The following ZDHHC18 variants were observed in gnomAD, a reference collection of about 807,000 sequenced individuals.
The protein encoded by ZDHHC18 is zDHHC palmitoyltransferase 18.
Under a neutral mutation model 37.5 loss-of-function variants are expected in ZDHHC18, and 23 were observed. The observed-to-expected ratio is 0.61, with a 90% CI of 0.44 to 0.87. ZDHHC18 has a LOEUF of 0.87. Ranked by LOEUF, ZDHHC18 falls within the 40% of genes least tolerant of loss-of-function variation. The probability of loss-of-function intolerance (pLI) is 0.00; values close to 1 mark genes in which losing one functional copy is unlikely to be tolerated. For synonymous variants in ZDHHC18, 185 were observed against 218.7 expected (o/e 0.85, Z 1.36); for missense variants, 406 against 525.6 (o/e 0.77, Z 2.22).
Position 26,850,832 on chromosome 1 carries a change from T to A in ZDHHC18, c.833+226T>A, listed in dbSNP as rs533345561. On this transcript the variant is annotated intron_variant, in intron 5 of 7. Coordinates refer to ENST00000374142, the MANE Select transcript of ZDHHC18 (RefSeq NM_032283.3). This position sits in a 1 kb window ranked among gnomAD's most constrained non-coding sequence, Gnocchi z 6.1. ...CTTCAGGGGCCTGGAAAAGAGTATGTCCCTTAAGATGCCAAGCTCCCTGGA... is the reference window on the plus strand; with the variant it reads ...CTTCAGGGGCCTGGAAAAGAGTATGACCCTTAAGATGCCAAGCTCCCTGGA... Among the ~76,000 whole-genome samples, 1 of 152,234 alleles carries A rather than the reference T, an allele frequency of 6.6e-6. No homozygotes were observed. The highest frequency in any genetic ancestry group is 2.4e-5 in the African/African-American group (1 of 41,546).
intron 1 of ZDHHC18, chr1:26,832,126 A>T: frequency 7.5e-6 from 2 of 267,278 alleles, no homozygotes; most frequent in East Asian, 1.6e-4. Context: ...CTCAGGTGAC[A>T]GTCCACTAGT....
In ZDHHC18 at chr1:26,850,693, G is replaced by A. The variant is rs2081698695; in HGVS notation, c.833+87G>A. Reference sequence around the variant, plus strand: ...CCCTGCCTCATCCTCTAATCAGAAGGGAACAGCGTACAGCTCACATGTGTC... The same window carrying A: ...CCCTGCCTCATCCTCTAATCAGAAGAGAACAGCGTACAGCTCACATGTGTC... On this transcript the variant is annotated intron_variant, in intron 5 of 7. Coordinates refer to ENST00000374142, the MANE Select transcript of ZDHHC18 (RefSeq NM_032283.3). The surrounding 1 kb of genome is among the most constrained non-coding windows in gnomAD (Gnocchi z 6.1). The A allele has an allele frequency of 2.7e-6, 4 of 1,457,638 alleles. No individual in the cohort carries two copies. Among genetic ancestry groups the A allele is most frequent in the Non-Finnish European group, 2.9e-6 (3 of 1,050,334 alleles). The allele number at this position is 1,457,638 out of a possible 1,614,324, so 90.3% of individuals were successfully genotyped here.
At chr1:26,843,599 G>A (rs2081649000) in intron 2 of ZDHHC18, among the ~76,000 whole-genome samples, 1 of 149,704 alleles carries the variant, frequency 6.7e-6, no homozygotes, top group African/African-American at 2.4e-5. Context: ...GACCAGCCTG[G>A]CCAACATGGT....
At chr1:26,834,144 G>A (rs1352754991) in intron 2 of ZDHHC18, among the ~76,000 whole-genome samples, 11 of 152,220 alleles carry the variant, frequency 7.2e-5, no homozygotes. Flanking sequence ...GGCTAATCAT[G>A]AGGCAGGATT....
At chr1:26,827,919 C>T (rs1021683651) in intron 1 of ZDHHC18, among the ~76,000 whole-genome samples, 9 of 152,200 alleles carry the variant, frequency 5.9e-5, no homozygotes, top group Non-Finnish European at 1.2e-4. Context: ...ACCTGGCTTT[C>T]TTTCCCTGCT....
At chr1:26,846,223 T>C (rs1369836519) in intron 2 of ZDHHC18, among the ~76,000 whole-genome samples, 1 of 141,502 alleles carries the variant, frequency 7.1e-6, no homozygotes, top group Non-Finnish European at 1.5e-5. Context: ...TACATATATA[T>C]GTGTATATAG....
chr1:26,849,489 G>A (rs1299037210), intron 3 of ZDHHC18, among the ~76,000 whole-genome samples: 1 of 152,226 alleles, frequency 6.6e-6, no homozygotes, highest in Non-Finnish European at 1.5e-5. Flanking sequence ...CCCCCGTGAC[G>A]GCATGCAGTG....
intron 2 of ZDHHC18, among the ~76,000 whole-genome samples, chr1:26,835,597 AG>A (rs1385882090): frequency 6.6e-6 from 1 of 152,106 alleles, no homozygotes; most frequent in East Asian, 1.9e-4. Flanking sequence ...GCTACTCAGG[AG>A]GCTGAGGCAG....
rs1184049638 is a variant in ZDHHC18 at position 26,855,711 on chromosome 1, T to G, written c.*1868T>G. Reference sequence around the variant, plus strand: ...TCCTGCTTGTAATAAAACTTCAGTTTATAAGAGTTGCTTTGCTTTGGTTTG... The same window carrying G: ...TCCTGCTTGTAATAAAACTTCAGTTGATAAGAGTTGCTTTGCTTTGGTTTG... On this transcript the variant is annotated 3_prime_UTR_variant, in exon 8 of 8. Transcript: ENST00000374142. 1 of 154,200 alleles carries G rather than the reference T, an allele frequency of 6.5e-6. No individual in the cohort carries two copies. The highest frequency in any genetic ancestry group is 2.4e-5 in the African/African-American group (1 of 41,480). 9.6% of individuals were successfully genotyped at this position (154,200 alleles called of 1,614,324 possible).
intron 1 of ZDHHC18, among the ~76,000 whole-genome samples, chr1:26,828,979 C>A (rs937865959): frequency 4.6e-5 from 7 of 152,272 alleles, no homozygotes; most frequent in African/African-American, 1.7e-4. Flanking sequence ...AGAAGCAGGA[C>A]CTTCTCTGGG....
chr1:26,851,922 TCTC>T (rs749434073), intron 6 of ZDHHC18, among the ~76,000 whole-genome samples: 1 of 152,202 alleles, frequency 6.6e-6, no homozygotes, highest in Non-Finnish European at 1.5e-5. Context: ...AGACCTGACT[TCTC>T]CTCCCCATCC....
rs1421445345 is a variant in ZDHHC18, at chr1:26,827,123, CTCT to C, written c.325_327del (p.Phe109del). On this transcript the variant is annotated inframe_deletion, in exon 1 of 8. Transcript: ENST00000374142. ...GCTGCTCATCCTCACCACCACCGGC[CTCT>C]TCTTCGTCTTTGAGTGAGTTCCGCT... 1.1e-5 allele frequency: 16 copies of C among 1,413,958 alleles called. No homozygotes were observed. Among genetic ancestry groups the C allele is most frequent in the Non-Finnish European group, 1.4e-5 (15 of 1,088,582 alleles). The allele number at this position is 1,413,958 out of a possible 1,614,324, so 87.6% of individuals were successfully genotyped here.
chr1:26,848,868 G>T, intron 3 of ZDHHC18, 111 bp downstream of exon 3: 4 of 1,435,586 alleles, frequency 2.8e-6, no homozygotes, highest in Non-Finnish European at 3.7e-6. Context: ...AAATACCCAG[G>T]GCTGGGCAGG....
chr1:26,844,646 CAT>C (rs371189284), intron 2 of ZDHHC18, among the ~76,000 whole-genome samples: 12 of 152,276 alleles, frequency 7.9e-5, no homozygotes, highest in African/African-American at 2.9e-4. Flanking sequence ...CCAAAGCGGT[CAT>C]ATGAGATTTC....
intron 1 of ZDHHC18, among the ~76,000 whole-genome samples, 174 bp from the exon 2 acceptor site, chr1:26,832,272 TA>T (rs1474958388): frequency 1.8e-4 from 28 of 152,268 alleles, no homozygotes; most frequent in African/African-American, 6.7e-4. Flanking sequence ...CTGTTCCCGG[TA>T]CTTATTGGGG....
At chr1:26,836,735 AT>A (rs1221409695) in intron 2 of ZDHHC18, among the ~76,000 whole-genome samples, 1 of 148,178 alleles carries the variant, frequency 6.7e-6, no homozygotes, top group African/African-American at 2.5e-5. Flanking sequence ...CGCCCAGCTA[AT>A]TTTTCGTATT....
intron 2 of ZDHHC18, among the ~76,000 whole-genome samples, chr1:26,833,748 T>G (rs1328950609): frequency 6.6e-6 from 1 of 151,888 alleles, no homozygotes; most frequent in African/African-American, 2.4e-5. Context: ...GTTAGCTCCT[T>G]CCCCTAACAG....
At chr1:26,843,420 C>A (rs757333828) in intron 2 of ZDHHC18, among the ~76,000 whole-genome samples, 3 of 151,102 alleles carry the variant, frequency 2.0e-5, no homozygotes, top group African/African-American at 7.3e-5. Context: ...GGATTACAGG[C>A]GTGAGCCACC....
chr1:26,850,763 G>A lies in ZDHHC18; in HGVS notation c.833+157G>A, dbSNP rs1445097667. ...AGCTCTTCTGTTCACACCCAGGCAA[G>A]AGCTGATCCTAAATGGGGCATTGTG... On this transcript the variant is annotated intron_variant, in intron 5 of 7. Coordinates refer to ENST00000374142, the MANE Select transcript of ZDHHC18 (RefSeq NM_032283.3). The surrounding 1 kb of genome is among the most constrained non-coding windows in gnomAD (Gnocchi z 6.1). Among the ~76,000 whole-genome samples the A allele has an allele frequency of 6.6e-6, 1 of 152,210 alleles. No individual in the cohort carries two copies. Among genetic ancestry groups the A allele is most frequent in the African/African-American group, 2.4e-5 (1 of 41,444 alleles).
Sources: allele counts gnomAD v4.1 joint callset (sites outside exome capture counted in the v4.1 genomes callset), GRCh38; gene constraint gnomAD v4.1.1; non-coding constraint Gnocchi (gnomAD v3.1); transcripts MANE v1.5; gene names NCBI Gene and HGNC (gene_info 2026-07-23, HGNC 2026-07-21).